Variants in CTNND2 observed in about 807,000 individuals in gnomAD.
CTNND2 encodes the protein catenin delta-2.
Under a neutral mutation model 144.4 loss-of-function variants are expected in CTNND2, and 22 were observed. The ratio of observed to expected loss-of-function variants is 0.15; its 90% CI spans 0.11 to 0.22. The LOEUF is 0.22. CTNND2 is among the 10% of genes least tolerant of loss of function. The probability of loss-of-function intolerance (pLI) is 1.00; values close to 1 mark genes in which losing one functional copy is unlikely to be tolerated. For synonymous variants in CTNND2, 751 were observed against 695.6 expected, an observed-to-expected ratio of 1.08 and a Z score of -1.25; for missense variants, 1,353 against 1,618.8, an observed-to-expected ratio of 0.84 and a Z score of 2.82.
At chr5:10,994,238 G>A (rs1280227945) in intron 18 of CTNND2, among the ~76,000 whole-genome samples, 1 of 119,758 alleles carries the variant, frequency 8.4e-6, no homozygotes, top group Non-Finnish European at 1.7e-5. Context: ...GAGCAGGGGC[G>A]GGGATAGAGG....
intron 2 of CTNND2, among the ~76,000 whole-genome samples, chr5:11,729,676 A>G (rs1787226430): frequency 6.6e-6 from 1 of 152,198 alleles, no homozygotes; most frequent in Non-Finnish European, 1.5e-5. Flanking sequence ...CTATTTAGTC[A>G]CTAATTTCTA....
At chr5:11,718,176 G>A (rs948024953) in intron 2 of CTNND2, among the ~76,000 whole-genome samples, 1 of 152,068 alleles carries the variant, frequency 6.6e-6, no homozygotes, top group Non-Finnish European at 1.5e-5. Flanking sequence ...CAGGCACTAC[G>A]ACAGGCCCTT....
chr5:11,026,183 G>A (rs1378669986), intron 16 of CTNND2, among the ~76,000 whole-genome samples: 1 of 152,014 alleles, frequency 6.6e-6, no homozygotes, highest in African/African-American at 2.4e-5. Context: ...GTCCTGTGGT[G>A]CACTGAGATT....
intron 1 of CTNND2, among the ~76,000 whole-genome samples, chr5:11,770,453 A>G (rs1789861595): frequency 1.0e-5 from 1 of 95,738 alleles, no homozygotes; most frequent in African/African-American, 3.7e-5. Context: ...GGAAGGAAGG[A>G]AGGAAGGAAG....
chr5:11,468,461 A>G (rs548631832), intron 3 of CTNND2, among the ~76,000 whole-genome samples: 1 of 152,162 alleles, frequency 6.6e-6, no homozygotes. Context: ...TCAGGGAACC[A>G]TTTCAAGAGT....
intron 2 of CTNND2, among the ~76,000 whole-genome samples, chr5:11,623,059 T>C (rs546465692): frequency 6.6e-6 from 1 of 152,312 alleles, no homozygotes; most frequent in South Asian, 2.1e-4. Context: ...GAAACTTAAC[T>C]ACGCTGTTGG....
intron 10 of CTNND2, among the ~76,000 whole-genome samples, chr5:11,215,157 C>T (rs577584371): frequency 2.0e-5 from 3 of 152,246 alleles, no homozygotes; most frequent in East Asian, 1.9e-4. Flanking sequence ...CTGATTGGAA[C>T]GTCTGTCTGT....
chr5:11,869,917 T>C (rs1169946688), intron 1 of CTNND2, among the ~76,000 whole-genome samples: 1 of 152,136 alleles, frequency 6.6e-6, no homozygotes, highest in African/African-American at 2.4e-5. Flanking sequence ...ATATTCTAAT[T>C]CCCCTGACAC....
rs1004184775 is a variant in CTNND2 at position 11,635,089 on chromosome 5, AT to A, written c.175-70034del. Among the ~76,000 whole-genome samples the A allele has an allele frequency of 2.3e-3, 349 of 150,548 alleles. 1 individual carries two copies. Among genetic ancestry groups the A allele is most frequent in the African/African-American group, 7.5e-3 (306 of 41,038 alleles). On this transcript the variant is annotated intron_variant, in intron 2 of 21. Transcript: ENST00000304623. ...ATAGCTTCATAAAATATAAGCAAAG[AT>A]TTTTTTTTTCCTCTGTAAACTTAGG...
At chr5:11,225,115 G>T (rs1232059465) in intron 10 of CTNND2, among the ~76,000 whole-genome samples, 1 of 152,100 alleles carries the variant, frequency 6.6e-6, no homozygotes, top group African/African-American at 2.4e-5. Context: ...CCAGGAACTT[G>T]TCTTGACCTT....
chr5:11,382,971 T>C (rs1758668298), intron 7 of CTNND2, among the ~76,000 whole-genome samples: 1 of 152,162 alleles, frequency 6.6e-6, no homozygotes, highest in Admixed American at 6.5e-5. Flanking sequence ...GTACTTTTAC[T>C]ACCTCTTCTT....
chr5:11,721,732 T>C (rs1481573016), intron 2 of CTNND2, among the ~76,000 whole-genome samples: 1 of 152,252 alleles, frequency 6.6e-6, no homozygotes, highest in East Asian at 1.9e-4. Context: ...ACATGGCCTC[T>C]TTACAAGTGT....
chr5:11,176,224 T>C (rs1454143753), intron 11 of CTNND2, among the ~76,000 whole-genome samples: 3 of 152,174 alleles, frequency 2.0e-5, no homozygotes, highest in Non-Finnish European at 4.4e-5. Context: ...TCTCTTTTCA[T>C]GGTATCATTT....
intron 9 of CTNND2, among the ~76,000 whole-genome samples, chr5:11,319,050 C>A (rs904407354): frequency 1.3e-5 from 2 of 152,148 alleles, no homozygotes; most frequent in Middle Eastern, 3.4e-3. Flanking sequence ...CTGTTATTAT[C>A]CTCATTTTAC....
intron 2 of CTNND2, among the ~76,000 whole-genome samples, chr5:11,618,629 T>C (rs1780690781): frequency 6.6e-6 from 1 of 152,228 alleles, no homozygotes; most frequent in African/African-American, 2.4e-5. Context: ...CCTCTTATTT[T>C]TCCACACCTC....
chr5:11,099,799 GA>G (rs901959032), intron 14 of CTNND2, among the ~76,000 whole-genome samples: 2 of 151,762 alleles, frequency 1.3e-5, no homozygotes, highest in Non-Finnish European at 2.9e-5. Flanking sequence ...TATGCTTTTA[GA>G]AAAAAATACA....
intron 2 of CTNND2, among the ~76,000 whole-genome samples, chr5:11,594,362 T>G (rs1396329160): frequency 6.6e-6 from 1 of 152,234 alleles, no homozygotes; most frequent in Non-Finnish European, 1.5e-5. Context: ...TTTTTCTGTA[T>G]GTATATTCTA....
intron 11 of CTNND2, among the ~76,000 whole-genome samples, chr5:11,176,260 C>A (rs575480669): frequency 1.3e-5 from 2 of 152,054 alleles, no homozygotes; most frequent in South Asian, 4.2e-4. Context: ...TACAGTGAAT[C>A]CTCTATTTAA....
At chr5:10,986,808 C>T (rs545581909) in intron 20 of CTNND2, 234 of 372,580 alleles carry the variant, frequency 6.3e-4, no homozygotes, top group South Asian at 4.0e-3. Context: ...AGAGTTAACA[C>T]GGAAAACACT....
Sources: allele counts gnomAD v4.1 joint callset (sites outside exome capture counted in the v4.1 genomes callset), GRCh38; gene constraint gnomAD v4.1.1; transcripts MANE v1.5; gene names NCBI Gene and HGNC (gene_info 2026-07-23, HGNC 2026-07-21).